SMOC2: variants seen among roughly 807,000 people sequenced by gnomAD.
SMOC2 encodes the protein SPARC related modular calcium binding 2.
In SMOC2, 39 loss-of-function variants were observed where a neutral mutation model predicts 61.4. That is an observed-to-expected ratio of 0.64 (90% CI 0.49 to 0.83). The LOEUF is 0.83. Ranked by LOEUF, SMOC2 falls within the 40% of genes least tolerant of loss-of-function variation. The pLI is 0.00. For synonymous variants in SMOC2, 247 were observed against 239.9 expected (o/e 1.03, Z -0.27); for missense variants, 556 against 592.9 (o/e 0.94, Z 0.65).
intron 2 of SMOC2, 105 bp downstream of exon 2, chr6:168,510,191 G>A (rs1439041210): frequency 1.8e-6 from 2 of 1,133,482 alleles, no homozygotes; most frequent in African/African-American, 3.1e-5. Context: ...ACAAACTCGG[G>A]TTTATGTTGG....
At chr6:168,500,899 T>C (rs1321544060) in intron 1 of SMOC2, among the ~76,000 whole-genome samples, 1 of 152,154 alleles carries the variant, frequency 6.6e-6, no homozygotes, top group Admixed American at 6.5e-5. Context: ...GCAATAAGGA[T>C]GGTGCCTGAG....
At chr6:168,557,337 A>G (rs1784273811) in intron 7 of SMOC2, among the ~76,000 whole-genome samples, 1 of 152,240 alleles carries the variant, frequency 6.6e-6, no homozygotes, top group South Asian at 2.1e-4. Context: ...TTAACTTACC[A>G]AAAATATGCA....
At chr6:168,635,545 G>C (rs2115252590) in intron 9 of SMOC2, among the ~76,000 whole-genome samples, 1 of 152,232 alleles carries the variant, frequency 6.6e-6, no homozygotes, top group African/African-American at 2.4e-5. Context: ...CTGTCTAAAG[G>C]TCGCTTTGAA....
intron 1 of SMOC2, among the ~76,000 whole-genome samples, chr6:168,481,735 G>T (rs1562549694): frequency 6.6e-6 from 1 of 151,904 alleles, no homozygotes; most frequent in Non-Finnish European, 1.5e-5. Context: ...TGTCAGAATG[G>T]ATAAAAAGTT....
Position 168,489,453 on chromosome 6 carries a change from T to C in SMOC2, c.85-20462T>C, listed in dbSNP as rs71573471. 9.2e-4 allele frequency among the ~76,000 whole-genome samples: 112 copies of C among 122,136 alleles called. 1 individual carries two copies. Among genetic ancestry groups the C allele is most frequent in the Middle Eastern group, 8.5e-3 (1 of 118 alleles). 80.1% of individuals were successfully genotyped at this position (122,136 alleles called of 152,430 possible). A position where few individuals can be genotyped will look rare whatever the true frequency, so the allele number is the denominator to read the frequency against. On this transcript the variant is annotated intron_variant, in intron 1 of 12. Transcript: ENST00000356284. ...ATCACAGTTTTAGAGTGAAATATAT[T>C]GAATCGTCTGGGTCCCCTTGGATCA...
intron 1 of SMOC2, among the ~76,000 whole-genome samples, chr6:168,483,680 AC>A (rs1194295896): frequency 2.0e-5 from 3 of 152,158 alleles, no homozygotes; most frequent in Non-Finnish European, 4.4e-5. Flanking sequence ...GAGTACTCTC[AC>A]TTTGTGATTT....
At chr6:168,656,180 G>C (rs1425776394) in intron 11 of SMOC2, among the ~76,000 whole-genome samples, 1 of 152,132 alleles carries the variant, frequency 6.6e-6, no homozygotes, top group Admixed American at 6.5e-5. Context: ...AAACAAGCTT[G>C]AGACTGTGTT....
At chr6:168,655,566 G>T (rs1787300322) in intron 11 of SMOC2, 2 of 377,494 alleles carry the variant, frequency 5.3e-6, no homozygotes, top group Admixed American at 6.1e-5. Flanking sequence ...GGATCCTACT[G>T]CATGTGTGTA....
At chr6:168,579,908 T>C (rs1784884895) in intron 7 of SMOC2, among the ~76,000 whole-genome samples, 1 of 152,226 alleles carries the variant, frequency 6.6e-6, no homozygotes, top group Non-Finnish European at 1.5e-5. Flanking sequence ...TGGTTGTCAC[T>C]GGTAGAGAAA....
chr6:168,495,893 C>T (rs1307496561), intron 1 of SMOC2, among the ~76,000 whole-genome samples: 1 of 152,266 alleles, frequency 6.6e-6, no homozygotes, highest in African/African-American at 2.4e-5. Context: ...TTGGCCTCCT[C>T]ACCGATGAGC....
At chr6:168,542,623 G>T (rs1346193418) in intron 4 of SMOC2, among the ~76,000 whole-genome samples, 1 of 152,136 alleles carries the variant, frequency 6.6e-6, no homozygotes, top group African/African-American at 2.4e-5. Context: ...GTTGACATGT[G>T]TTTAGGGGTG....
At chr6:168,584,534 C>T (rs183586719) in intron 7 of SMOC2, among the ~76,000 whole-genome samples, 1 of 150,810 alleles carries the variant, frequency 6.6e-6, no homozygotes, top group Non-Finnish European at 1.5e-5. Context: ...AACACCAGGT[C>T]CTCTTAAAAA....
Position 168,587,600 on chromosome 6 carries a change from C to T in SMOC2, c.638-11218C>T, listed in dbSNP as rs115250728. Among the ~76,000 whole-genome samples the T allele has an allele frequency of 4.4e-3, 676 of 152,320 alleles. 4 individuals are homozygous for T. The highest frequency in any genetic ancestry group is 0.016 in the African/African-American group (649 of 41,550). ...TCTGAGAGGAGGATAGAGGAACAGT[C>T]GCTTCCGCCCTAGTCTGGCTCAGTG... is the stretch of plus-strand genomic sequence containing the variant. On this transcript the variant is annotated intron_variant, in intron 7 of 12. Coordinates refer to ENST00000356284, the MANE Select transcript of SMOC2 (RefSeq NM_001166412.2).
intron 4 of SMOC2, among the ~76,000 whole-genome samples, chr6:168,536,902 A>G (rs1417595725): frequency 6.6e-6 from 1 of 152,220 alleles, no homozygotes; most frequent in Non-Finnish European, 1.5e-5. Flanking sequence ...AGGACTACAG[A>G]GGACAGGTGT....
chr6:168,610,092 T>C (rs1487264619), intron 9 of SMOC2, among the ~76,000 whole-genome samples: 2 of 152,204 alleles, frequency 1.3e-5, no homozygotes, highest in Non-Finnish European at 2.9e-5. Flanking sequence ...TCCTTGATAT[T>C]GAGAAACATG....
chr6:168,642,279 C>T (rs973196596), intron 9 of SMOC2, among the ~76,000 whole-genome samples: 8 of 152,294 alleles, frequency 5.3e-5, no homozygotes, highest in South Asian at 2.1e-4. Flanking sequence ...CAGAACCAGC[C>T]GGATTGGCTA....
chr6:168,666,641 A>C lies in SMOC2; in HGVS notation c.*203A>C. The stretch of plus-strand genomic sequence containing the variant: ...GGCTTCAGAAAATTAATCACATACA[A>C]TGTATGTGTCCTCTTTTGACCTTGG... On this transcript the variant is annotated 3_prime_UTR_variant, in exon 13 of 13. Transcript: ENST00000356284. The C allele has an allele frequency of 1.6e-6, 1 of 615,532 alleles. No individual in the cohort carries two copies. The highest frequency in any genetic ancestry group is 2.9e-6 in the Non-Finnish European group (1 of 342,486). The allele number at this position is 615,532 out of a possible 1,614,324, so 38.1% of individuals were successfully genotyped here. A position where few individuals can be genotyped will look rare whatever the true frequency, so the allele number is the denominator to read the frequency against.
At chr6:168,525,454 G>T (rs912354798) in intron 2 of SMOC2, among the ~76,000 whole-genome samples, 1 of 152,222 alleles carries the variant, frequency 6.6e-6, no homozygotes, top group African/African-American at 2.4e-5. Context: ...AGGCCTGCTT[G>T]TGGCACACAC....
chr6:168,607,006 G>A (rs532954265), intron 8 of SMOC2, among the ~76,000 whole-genome samples: 1 of 152,212 alleles, frequency 6.6e-6, no homozygotes, highest in African/African-American at 2.4e-5. Context: ...AGGAAAGTTG[G>A]TGTGGGCTGT....
Sources: gnomAD v4.1 joint callset for allele counts (sites outside exome capture counted in the v4.1 genomes callset) on GRCh38, gnomAD v4.1.1 for gene constraint, MANE v1.5 for transcripts, NCBI Gene and HGNC (gene_info 2026-07-23, HGNC 2026-07-21) for gene names.